STXBP5: variants seen among roughly 807,000 people sequenced by gnomAD.
STXBP5 encodes syntaxin binding protein 5, also known as syntaxin-binding protein 5.
In STXBP5, 50 loss-of-function variants were observed where a neutral mutation model predicts 152.4. The ratio of observed to expected loss-of-function variants is 0.33; its 90% CI spans 0.26 to 0.42. The LOEUF (loss-of-function observed/expected upper bound fraction) is 0.42, where lower values mean the gene tolerates loss of function less well. Ranked by LOEUF, STXBP5 falls within the 10% of genes least tolerant of loss-of-function variation. The pLI, the probability that STXBP5 is intolerant of heterozygous loss-of-function variation, is 1.00. For missense variants in STXBP5, 1,167 were observed against 1,388.6 expected, an observed-to-expected ratio of 0.84 and a Z score of 2.54; for synonymous variants, 492 against 494.7, an observed-to-expected ratio of 0.99 and a Z score of 0.07.
chr6:147,361,901 T>C (rs1181783917), intron 23 of STXBP5, among the ~76,000 whole-genome samples: 5 of 152,172 alleles, frequency 3.3e-5, no homozygotes, highest in Non-Finnish European at 7.4e-5. Context: ...ACTGTAAGAT[T>C]ATAACTGTCT....
intron 2 of STXBP5, among the ~76,000 whole-genome samples, chr6:147,232,536 G>T (rs1778056723): frequency 6.6e-6 from 1 of 151,752 alleles, no homozygotes; most frequent in East Asian, 1.9e-4. Context: ...GACCCCTTGG[G>T]GCTAGCTGCA....
intron 26 of STXBP5, among the ~76,000 whole-genome samples, chr6:147,376,240 AT>A (rs950477285): frequency 7.9e-5 from 12 of 152,192 alleles, no homozygotes; most frequent in African/African-American, 2.9e-4. Context: ...AGATTCTTGA[AT>A]TTTTTGGGAA....
chr6:147,288,083 G>A (rs917770894), intron 8 of STXBP5, among the ~76,000 whole-genome samples: 4 of 151,928 alleles, frequency 2.6e-5, no homozygotes, highest in Non-Finnish European at 4.4e-5. Flanking sequence ...TCTAGTTCTC[G>A]GAGCTTTTCT....
At chr6:147,337,010 A>G (rs1362468963) in intron 19 of STXBP5, among the ~76,000 whole-genome samples, 1 of 152,048 alleles carries the variant, frequency 6.6e-6, no homozygotes, top group Non-Finnish European at 1.5e-5. Context: ...TATGTAAACC[A>G]GTGGTCCCCC....
intron 11 of STXBP5, among the ~76,000 whole-genome samples, chr6:147,312,809 A>C (rs1481902704): frequency 4.6e-5 from 7 of 152,204 alleles, no homozygotes. Context: ...GTCCTAGAAT[A>C]ACTTATTCTT....
chr6:147,287,822 T>C (rs1376710348), intron 8 of STXBP5, among the ~76,000 whole-genome samples: 3 of 152,230 alleles, frequency 2.0e-5, no homozygotes, highest in Non-Finnish European at 4.4e-5. Flanking sequence ...AATATTGAAG[T>C]TTTATTATTT....
At position 147,339,397 on chromosome 6, in the gene STXBP5, A is replaced by C. The variant is rs1041273089; in HGVS notation, c.2254+13A>C. 6.8e-6 allele frequency: 10 copies of C among 1,480,124 alleles called. No individual in the cohort carries two copies. In the Admixed American group the frequency reaches 1.5e-4, roughly 22 times the overall value. The allele number at this position is 1,480,124 out of a possible 1,614,324, so 91.7% of individuals were successfully genotyped here. Reference sequence around the variant, plus strand: ...GCCAATGATATAGGTAGGAAATAGAAATTTCTATTTTGTTTCTAATCCTTG... The same window carrying C: ...GCCAATGATATAGGTAGGAAATAGACATTTCTATTTTGTTTCTAATCCTTG... On this transcript the variant is annotated intron_variant, in intron 21 of 27. Transcript: ENST00000321680.
chr6:147,259,890 T>A (rs1454846821), intron 4 of STXBP5, among the ~76,000 whole-genome samples: 1 of 152,134 alleles, frequency 6.6e-6, no homozygotes, highest in Non-Finnish European at 1.5e-5. Flanking sequence ...ATGAAAACTG[T>A]CTGCAGTTGT....
At chr6:147,293,748 A>G (rs942738765) in intron 9 of STXBP5, among the ~76,000 whole-genome samples, 10 of 152,342 alleles carry the variant, frequency 6.6e-5, no homozygotes, top group African/African-American at 2.4e-4. Flanking sequence ...AGGTCCTCCA[A>G]TAATATACTC....
At chr6:147,311,900 TG>T (rs1782398342) in intron 11 of STXBP5, among the ~76,000 whole-genome samples, 2 of 152,204 alleles carry the variant, frequency 1.3e-5, no homozygotes, top group African/African-American at 4.8e-5. Context: ...TGTTTATACG[TG>T]CTTTTGCCAG....
At chr6:147,328,061 A>G (rs1053554032) in intron 18 of STXBP5, among the ~76,000 whole-genome samples, 4 of 152,196 alleles carry the variant, frequency 2.6e-5, no homozygotes, top group African/African-American at 9.6e-5. Flanking sequence ...AATTCTCTTT[A>G]TAGAGTTCTT....
chr6:147,300,721 A>G (rs1054998537), intron 9 of STXBP5, among the ~76,000 whole-genome samples: 2 of 152,120 alleles, frequency 1.3e-5, no homozygotes, highest in Admixed American at 6.6e-5. Flanking sequence ...TACATGGGAA[A>G]TGCTTCACGA....
At chr6:147,244,410 T>C (rs1582833200) in intron 4 of STXBP5, among the ~76,000 whole-genome samples, 1 of 152,358 alleles carries the variant, frequency 6.6e-6, no homozygotes, top group East Asian at 1.9e-4. Flanking sequence ...ATATAAACTT[T>C]AGAATCAGTT....
intron 21 of STXBP5, among the ~76,000 whole-genome samples, chr6:147,346,623 C>A (rs1164776223): frequency 6.6e-6 from 1 of 151,892 alleles, no homozygotes; most frequent in Non-Finnish European, 1.5e-5. Flanking sequence ...GCCTGTAATC[C>A]CAGCTACTGA....
At chr6:147,380,768 T>C (rs1024812051) in intron 26 of STXBP5, among the ~76,000 whole-genome samples, 10 of 152,292 alleles carry the variant, frequency 6.6e-5, no homozygotes, top group African/African-American at 2.4e-4. Context: ...ACATATCTGA[T>C]ATCAGATTAC....
chr6:147,323,546 C>G (rs1783050173), intron 16 of STXBP5, among the ~76,000 whole-genome samples: 1 of 152,048 alleles, frequency 6.6e-6, no homozygotes, highest in Non-Finnish European at 1.5e-5. Flanking sequence ...TGCTCACCAC[C>G]ACACCCGGGT....
At chr6:147,221,685 A>T (rs1269765091) in intron 2 of STXBP5, among the ~76,000 whole-genome samples, 1 of 147,188 alleles carries the variant, frequency 6.8e-6, no homozygotes, top group Non-Finnish European at 1.5e-5. Context: ...TTCTTTCAAG[A>T]TTTTTTTTTA....
intron 21 of STXBP5, among the ~76,000 whole-genome samples, chr6:147,339,897 T>C (rs1368803834): frequency 6.6e-6 from 1 of 151,954 alleles, no homozygotes; most frequent in Non-Finnish European, 1.5e-5. Flanking sequence ...AAAAAATGCA[T>C]TGCTTCTTGT....
chr6:147,334,011 C>A, intron 18 of STXBP5, 146 bp from the exon 19 acceptor site: 1 of 588,518 alleles, frequency 1.7e-6, no homozygotes, highest in Non-Finnish European at 2.8e-6. Context: ...TATCTCAAAC[C>A]CAATGTGCAT....
Sources: gnomAD v4.1 joint callset for allele counts (sites outside exome capture counted in the v4.1 genomes callset) on GRCh38, gnomAD v4.1.1 for gene constraint, MANE v1.5 for transcripts, NCBI Gene and HGNC (gene_info 2026-07-23, HGNC 2026-07-21) for gene names.